KBTBD3: variants seen among roughly 807,000 people sequenced by gnomAD.
KBTBD3 encodes kelch repeat and BTB domain containing 3.
Under a neutral mutation model 49.6 loss-of-function variants are expected in KBTBD3, and 38 were observed. The observed-to-expected ratio is 0.77, with a 90% CI of 0.59 to 1.00. The LOEUF is 1.00. Ranked by LOEUF, KBTBD3 falls within the 50% of genes least tolerant of loss-of-function variation. KBTBD3 has a pLI of 0.00. For synonymous variants in KBTBD3, 214 were observed against 250.4 expected, an observed-to-expected ratio of 0.85 and a Z score of 1.37; for missense variants, 661 against 712.0, an observed-to-expected ratio of 0.93 and a Z score of 0.81.
At chr11:106,064,543 C>CTAAATAAATAAATAAA (rs71041645) in intron 2 of KBTBD3, among the ~76,000 whole-genome samples, 101,956 of 148,482 alleles carry the variant, frequency 0.69, 39,722 homozygotes, top group Non-Finnish European at 0.86. Context: ...GGCTCTGTTT[C>CTAAATAAATAAATAAA]TAAATAAATA....
chr11:106,077,049 G>T (rs948273508), intron 1 of KBTBD3, among the ~76,000 whole-genome samples: 1 of 152,182 alleles, frequency 6.6e-6, no homozygotes. Context: ...TGCTGCTAAG[G>T]GTCGGGAGCG....
At chr11:106,057,765 G>C (rs1860584993) in intron 3 of KBTBD3, 1 of 315,698 alleles carries the variant, frequency 3.2e-6, no homozygotes, top group African/African-American at 2.2e-5. Context: ...CTAATATAAG[G>C]AGAGGATGAA....
intron 2 of KBTBD3, among the ~76,000 whole-genome samples, chr11:106,071,089 T>C (rs2135022152): frequency 6.6e-6 from 1 of 152,256 alleles, no homozygotes; most frequent in African/African-American, 2.4e-5. Context: ...TATTTTAAGA[T>C]ATTAAAAGAT....
chr11:106,056,690 C>T (rs931447441), intron 3 of KBTBD3, among the ~76,000 whole-genome samples: 1 of 152,056 alleles, frequency 6.6e-6, no homozygotes. Context: ...TACTTTTTTA[C>T]AAATAAGGAA....
In KBTBD3 at chr11:106,051,290, C is replaced by A. The variant is rs1483144784; in HGVS notation, c.*1560G>T. 1 of 151,818 alleles carries A rather than the reference C, an allele frequency of 6.6e-6. No homozygotes were observed. Among genetic ancestry groups the A allele is most frequent in the Non-Finnish European group, 1.5e-5 (1 of 67,832 alleles). 9.4% of individuals were successfully genotyped at this position (151,818 alleles called of 1,614,324 possible). A position where few individuals can be genotyped will look rare whatever the true frequency, so the allele number is the denominator to read the frequency against. ...TTTTTCAAATACACAAAGTTCAGAGCCAACTACTCATGTGCTTAGATAAGA... is the reference window on the plus strand; with the variant it reads ...TTTTTCAAATACACAAAGTTCAGAGACAACTACTCATGTGCTTAGATAAGA... On this transcript the variant is annotated 3_prime_UTR_variant, in exon 4 of 4. Coordinates refer to ENST00000531837, the MANE Select transcript of KBTBD3 (RefSeq NM_198439.3).
rs561036308 is a variant in KBTBD3, at chr11:106,058,786, G to A, written c.233+79C>T. ...AAAATTACTGTTGCATGTTCTTGTG[G>A]GGAAAAACTTGAGTGCAGTATAAAA... On this transcript the variant is annotated intron_variant, in intron 3 of 3. Coordinates refer to ENST00000531837, the MANE Select transcript of KBTBD3 (RefSeq NM_198439.3). 1.2e-3 allele frequency: 964 copies of A among 796,302 alleles called. 1 individual carries two copies. Among genetic ancestry groups the A allele is most frequent in the Non-Finnish European group, 1.8e-3 (873 of 494,384 alleles). The allele number at this position is 796,302 out of a possible 1,614,324, so 49.3% of individuals were successfully genotyped here.
At position 106,053,369 on chromosome 11, in the gene KBTBD3, T is replaced by C; in HGVS notation, c.1320A>G (p.Leu440=). 6.2e-7 allele frequency: 1 copy of C among 1,613,330 alleles called. No homozygotes were observed. Residue 440 remains leucine (L), a synonymous_variant, in exon 4 of 4, where the codon TTA becomes TTG. Transcript: ENST00000531837. ...LSKEWISVSP[L]PRGIYYPEAS... is the part of the protein sequence containing the mutation. ...CTTCTGGATAGTATATGCCTCTGGGTAATGGGCTAACAGATATCCATTCTT... is the reference window on the plus strand; with the variant it reads ...CTTCTGGATAGTATATGCCTCTGGGCAATGGGCTAACAGATATCCATTCTT...
chr11:106,063,183 AC>A (rs1190725445), intron 2 of KBTBD3, among the ~76,000 whole-genome samples: 1 of 152,218 alleles, frequency 6.6e-6, no homozygotes, highest in Admixed American at 6.5e-5. Context: ...AAAACCAAAA[AC>A]CAAAAACAAG....
At position 106,052,900 on chromosome 11, in the gene KBTBD3, T is replaced by A. The variant is rs1455418154; in HGVS notation, c.1789A>T (p.Ile597Phe). The change falls in exon 4 of 4, where the codon ATT becomes TTT. Residue 597 changes from isoleucine to phenylalanine, a missense_variant. Ile to Phe is a conservative substitution (Grantham distance 21, BLOSUM62 0). Coordinates refer to ENST00000531837, the MANE Select transcript of KBTBD3 (RefSeq NM_198439.3). ...RALTEFYCQV[I>F]QFNKYRDPWF... ...GGGTCTCTGTATTTATTAAACTGAA[T>A]CACCTGGCAGTAAAATTCTGTTAAG... The A allele has an allele frequency of 6.2e-7, 1 of 1,613,616 alleles. No individual in the cohort carries two copies. Among genetic ancestry groups the A allele is most frequent in the Admixed American group, 1.7e-5 (1 of 59,980 alleles).
At chr11:106,055,189 A>C (rs1285996604) in intron 3 of KBTBD3, among the ~76,000 whole-genome samples, 1 of 152,324 alleles carries the variant, frequency 6.6e-6, no homozygotes, top group East Asian at 1.9e-4. Flanking sequence ...TTATTGCTAC[A>C]TGGTAAAGTT....
chr11:106,071,420 T>TCA (rs1402826233), intron 2 of KBTBD3, among the ~76,000 whole-genome samples: 2 of 152,154 alleles, frequency 1.3e-5, no homozygotes, highest in Non-Finnish European at 2.9e-5. Context: ...AAGTCAATTA[T>TCA]TGAGCCTCAT....
Position 106,051,322 on chromosome 11 carries a change from C to T in KBTBD3, c.*1528G>A, listed in dbSNP as rs1054464320. On this transcript the variant is annotated 3_prime_UTR_variant, in exon 4 of 4. Transcript: ENST00000531837. ...CTCATGTGCTTAGATAAGAAGGCCA[C>T]CAATAAATACGTCATCTAATCAGGA... The T allele has an allele frequency of 1.3e-4, 20 of 151,848 alleles. No individual in the cohort carries two copies. The highest frequency in any genetic ancestry group is 4.8e-4 in the African/African-American group (20 of 41,384). The allele number at this position is 151,848 out of a possible 1,614,324, so 9.4% of individuals were successfully genotyped here. A position where few individuals can be genotyped will look rare whatever the true frequency, so the allele number is the denominator to read the frequency against.
In KBTBD3 at chr11:106,052,112, T is replaced by C. The variant is rs961156313; in HGVS notation, c.*738A>G. On this transcript the variant is annotated 3_prime_UTR_variant, in exon 4 of 4. Coordinates refer to ENST00000531837, the MANE Select transcript of KBTBD3 (RefSeq NM_198439.3). Reference sequence around the variant, plus strand: ...ACATAAACTCAGGCCAGGTGTAACTTAGAACTACTAATTAAATCCAGAATG... The same window carrying C: ...ACATAAACTCAGGCCAGGTGTAACTCAGAACTACTAATTAAATCCAGAATG... 7 of 151,688 alleles carry C rather than the reference T, an allele frequency of 4.6e-5. No homozygotes were observed. Among genetic ancestry groups the C allele is most frequent in the African/African-American group, 1.7e-4 (7 of 41,330 alleles). 9.4% of individuals were successfully genotyped at this position (151,688 alleles called of 1,614,324 possible).
At chr11:106,070,884 A>C (rs1860904525) in intron 2 of KBTBD3, among the ~76,000 whole-genome samples, 1 of 152,122 alleles carries the variant, frequency 6.6e-6, no homozygotes, top group Non-Finnish European at 1.5e-5. Context: ...TTAAAAATGG[A>C]TGAAGTGTTG....
intron 3 of KBTBD3, among the ~76,000 whole-genome samples, 193 bp from the exon 4 acceptor site, chr11:106,054,648 G>T (rs1860516962): frequency 6.6e-6 from 1 of 151,322 alleles, no homozygotes; most frequent in Non-Finnish European, 1.5e-5. Flanking sequence ...ATTACAAAAT[G>T]CCTATATTAC....
At chr11:106,072,981 A>G (rs915596791) in intron 2 of KBTBD3, among the ~76,000 whole-genome samples, 6 of 152,248 alleles carry the variant, frequency 3.9e-5, no homozygotes, top group African/African-American at 1.4e-4. Flanking sequence ...TGAAGACACA[A>G]GTAGGAAGTG....
At chr11:106,061,875 G>GTA (rs147844393) in intron 2 of KBTBD3, among the ~76,000 whole-genome samples, 6 of 151,580 alleles carry the variant, frequency 4.0e-5, no homozygotes, top group Non-Finnish European at 5.9e-5. Flanking sequence ...ATGTGTGTGT[G>GTA]TATATATATA....
At position 106,053,990 on chromosome 11, in the gene KBTBD3, A is replaced by G. The variant is rs1860495086; in HGVS notation, c.699T>C (p.Tyr233=). The change falls in exon 4 of 4, where the codon TAT becomes TAC. Residue 233 remains tyrosine (Y), a synonymous_variant. Transcript: ENST00000531837. Reference sequence around the variant, plus strand: ...TCACTTTTTCAATCAAATGAGGCAGATACTTTTGCCTTGATTCTAAGTTAT... The same window carrying G: ...TCACTTTTTCAATCAAATGAGGCAGGTACTTTTGCCTTGATTCTAAGTTAT... ...TKHNLESRQK[Y]LPHLIEKVRL... 1.1e-5 allele frequency: 17 copies of G among 1,613,940 alleles called. No individual in the cohort carries two copies. The highest frequency in any genetic ancestry group is 1.4e-5 in the Non-Finnish European group (17 of 1,179,928).
Position 106,052,682 on chromosome 11 carries a change from T to C in KBTBD3, c.*168A>G, listed in dbSNP as rs1860442933. The C allele has an allele frequency of 1.9e-6, 1 of 539,466 alleles. No homozygotes were observed. Among genetic ancestry groups the C allele is most frequent in the Admixed American group, 3.6e-5 (1 of 28,012 alleles). The allele number at this position is 539,466 out of a possible 1,614,324, so 33.4% of individuals were successfully genotyped here. A position where few individuals can be genotyped will look rare whatever the true frequency, so the allele number is the denominator to read the frequency against. On this transcript the variant is annotated 3_prime_UTR_variant, in exon 4 of 4. Coordinates refer to ENST00000531837, the MANE Select transcript of KBTBD3 (RefSeq NM_198439.3). Reference sequence around the variant, plus strand: ...ATTCAGTATAATTTTTGGTAAAATATATTTTGTATTTTAAGTTTTTGGAAA... The same window carrying C: ...ATTCAGTATAATTTTTGGTAAAATACATTTTGTATTTTAAGTTTTTGGAAA...
Sources: gnomAD v4.1 joint callset for allele counts (sites outside exome capture counted in the v4.1 genomes callset) on GRCh38, gnomAD v4.1.1 for gene constraint, MANE v1.5 for transcripts, NCBI Gene and HGNC (gene_info 2026-07-23, HGNC 2026-07-21) for gene names.